BCAS3: variants seen among roughly 807,000 people sequenced by gnomAD.
BCAS3 encodes BCAS3 microtubule associated cell migration factor.
BCAS3 carries 53 observed loss-of-function variants against 116.1 expected under a neutral mutation model. The observed-to-expected ratio is 0.46, with a 90% CI of 0.37 to 0.57. The LOEUF (loss-of-function observed/expected upper bound fraction) is 0.57, where lower values mean the gene tolerates loss of function less well. Ranked by LOEUF, BCAS3 falls within the 20% of genes least tolerant of loss-of-function variation. The pLI, the probability that BCAS3 is intolerant of heterozygous loss-of-function variation, is 0.00. For missense variants in BCAS3, 917 were observed against 1,165.4 expected (o/e 0.79, Z 3.10); for synonymous variants, 391 against 408.2 (o/e 0.96, Z 0.51).
intron 22 of BCAS3, among the ~76,000 whole-genome samples, chr17:61,093,800 C>A (rs993834087): frequency 6.6e-6 from 1 of 152,186 alleles, no homozygotes; most frequent in East Asian, 1.9e-4. Context: ...ACCTTAATTA[C>A]TGTAGATGTT....
intron 22 of BCAS3, among the ~76,000 whole-genome samples, chr17:61,357,859 C>T (rs751952898): frequency 2.0e-4 from 30 of 151,784 alleles, no homozygotes; most frequent in Admixed American, 1.5e-3. Flanking sequence ...GAGGCCGAGA[C>T]GGGTGGATCA....
At chr17:61,153,527 A>G (rs1253957234) in intron 22 of BCAS3, among the ~76,000 whole-genome samples, 1 of 152,178 alleles carries the variant, frequency 6.6e-6, no homozygotes, top group African/African-American at 2.4e-5. Context: ...CCAAACCCCC[A>G]GTGTAAGGTA....
At position 61,028,458 on chromosome 17, in the gene BCAS3, A is replaced by T. The variant is rs376076339; in HGVS notation, c.1638-6208A>T. On this transcript the variant is annotated intron_variant, in intron 16 of 23. Coordinates refer to ENST00000407086, the MANE Select transcript of BCAS3 (RefSeq NM_017679.5). This position sits in a 1 kb window ranked among gnomAD's most constrained non-coding sequence, Gnocchi z 4.3. ...CAGTGATCAGTGAATTTTAAATGCC[A>T]CATTCAACATATGACAAAATTTCTT... 6.6e-6 allele frequency among the ~76,000 whole-genome samples: 1 copy of T among 151,930 alleles called. No individual in the cohort carries two copies. Among genetic ancestry groups the T allele is most frequent in the Non-Finnish European group, 1.5e-5 (1 of 67,810 alleles).
chr17:61,276,831 G>T lies in BCAS3; in HGVS notation c.2426-91496G>T, dbSNP rs889688144. On this transcript the variant is annotated intron_variant, in intron 22 of 23. Coordinates refer to ENST00000407086, the MANE Select transcript of BCAS3 (RefSeq NM_017679.5). This position sits in a 1 kb window ranked among gnomAD's most constrained non-coding sequence, Gnocchi z 4.2. ...CTTCTAAGCTACAGTAATCAAGACA[G>T]TGTGGTACTGGCATAAGGATAGACA... Among the ~76,000 whole-genome samples the T allele has an allele frequency of 3.3e-5, 5 of 152,206 alleles. No individual in the cohort carries two copies. Among genetic ancestry groups the T allele is most frequent in the Non-Finnish European group, 5.9e-5 (4 of 68,038 alleles).
At chr17:60,891,738 G>T (rs1041186020) in intron 10 of BCAS3, 2 of 455,850 alleles carry the variant, frequency 4.4e-6, no homozygotes, top group Admixed American at 2.4e-5. Flanking sequence ...TCAGCTTCTA[G>T]TGTATCCATC....
chr17:61,044,465 A>AATATATATATAT (rs1555683922), intron 19 of BCAS3, among the ~76,000 whole-genome samples: 10 of 120,108 alleles, frequency 8.3e-5, no homozygotes, highest in African/African-American at 4.5e-4. Context: ...AAAAAAAAAA[A>AATATATATATAT]ATATATATAT....
intron 14 of BCAS3, chr17:60,987,230 A>G (rs996459729): frequency 6.8e-6 from 1 of 147,170 alleles, no homozygotes; most frequent in South Asian, 2.1e-4. Context: ...TTCAGTTACT[A>G]TACCTCTGTA....
Position 61,258,248 on chromosome 17 carries a change from G to T in BCAS3, c.2426-110079G>T, listed in dbSNP as rs140832866. 6.6e-6 allele frequency among the ~76,000 whole-genome samples: 1 copy of T among 152,058 alleles called. No homozygotes were observed. The highest frequency in any genetic ancestry group is 1.5e-5 in the Non-Finnish European group (1 of 68,038). On this transcript the variant is annotated intron_variant, in intron 22 of 23. Coordinates refer to ENST00000407086, the MANE Select transcript of BCAS3 (RefSeq NM_017679.5). This position sits in a 1 kb window ranked among gnomAD's most constrained non-coding sequence, Gnocchi z 4.7. ...CCTCTTATGGGACTTACCATGTTTC[G>T]CCTGATGTTGTCTTTAAGTATGTAA...
intron 22 of BCAS3, among the ~76,000 whole-genome samples, chr17:61,150,158 G>A (rs960154950): frequency 1.3e-5 from 2 of 152,178 alleles, no homozygotes; most frequent in Admixed American, 6.5e-5. Flanking sequence ...CCTGTAATTG[G>A]CCAGGAGGTT....
rs149028340 is a variant in BCAS3, at chr17:61,166,984, C to T, written c.2425+82420C>T. ...CTGGTCTCCAACTCCTGGGCTCAAGCGATCCTCCCACCTTGGCCTTCCAAA... is the reference window on the plus strand; with the variant it reads ...CTGGTCTCCAACTCCTGGGCTCAAGTGATCCTCCCACCTTGGCCTTCCAAA... On this transcript the variant is annotated intron_variant, in intron 22 of 23. Coordinates refer to ENST00000407086, the MANE Select transcript of BCAS3 (RefSeq NM_017679.5). 5.8e-3 allele frequency among the ~76,000 whole-genome samples: 877 copies of T among 152,228 alleles called. 12 individuals carry two copies. The highest frequency in any genetic ancestry group is 0.019 in the African/African-American group (802 of 41,554).
chr17:60,924,961 T>G (rs2145161431), intron 13 of BCAS3, among the ~76,000 whole-genome samples: 1 of 152,190 alleles, frequency 6.6e-6, no homozygotes, highest in East Asian at 1.9e-4. Flanking sequence ...TACATTTTGT[T>G]ATATCTTTTT....
rs546019958 is a variant in BCAS3 at position 60,904,889 on chromosome 17, A to G, written c.822+2186A>G. 3.9e-5 allele frequency among the ~76,000 whole-genome samples: 6 copies of G among 152,320 alleles called. No individual in the cohort carries two copies. The East Asian group carries it at 1.2e-3, about 29-fold the overall frequency. ...CAGACCTAGAAAACTTCTCTAGAGA[A>G]TTCTTTTTAATATTTAAGAATAAAC... On this transcript the variant is annotated intron_variant, in intron 11 of 23. Coordinates refer to ENST00000407086, the MANE Select transcript of BCAS3 (RefSeq NM_017679.5).
chr17:60,870,064 T>C (rs989393194), intron 8 of BCAS3, among the ~76,000 whole-genome samples: 9 of 152,208 alleles, frequency 5.9e-5, no homozygotes, highest in Non-Finnish European at 1.0e-4. Flanking sequence ...GCTCAGTTGC[T>C]TAGGTACTTT....
At chr17:60,707,365 C>T (rs1028645571) in intron 4 of BCAS3, among the ~76,000 whole-genome samples, 11 of 152,236 alleles carry the variant, frequency 7.2e-5, no homozygotes, top group African/African-American at 2.2e-4. Flanking sequence ...TGGGCTCAAG[C>T]GGTATGCCCA....
At position 61,006,449 on chromosome 17, in the gene BCAS3, T is replaced by C. The variant is rs370333241; in HGVS notation, c.1487-9302T>C. On this transcript the variant is annotated intron_variant, in intron 15 of 23. Coordinates refer to ENST00000407086, the MANE Select transcript of BCAS3 (RefSeq NM_017679.5). Reference sequence around the variant, plus strand: ...GCAGTTTAAGTAATAAAGTCACATTTGTTGAAACAAGAAGATAGGATTCTA... The same window carrying C: ...GCAGTTTAAGTAATAAAGTCACATTCGTTGAAACAAGAAGATAGGATTCTA... 7.9e-5 allele frequency among the ~76,000 whole-genome samples: 12 copies of C among 152,246 alleles called. No homozygotes were observed. In the East Asian group the frequency reaches 2.3e-3, roughly 29 times the overall value.
chr17:61,290,354 T>C (rs1481800372), intron 22 of BCAS3, among the ~76,000 whole-genome samples: 1 of 152,214 alleles, frequency 6.6e-6, no homozygotes, highest in African/African-American at 2.4e-5. Context: ...TTAAAAATTA[T>C]ATAGATGAAA....
chr17:60,721,556 C>CAT (rs1192894962), intron 5 of BCAS3, among the ~76,000 whole-genome samples: 11 of 152,144 alleles, frequency 7.2e-5, no homozygotes, highest in Admixed American at 7.2e-4. Context: ...AGGCAGTAGA[C>CAT]ATTACTGTGA....
intron 5 of BCAS3, 55 bp from the exon 6 acceptor site, chr17:60,747,143 T>C (rs2042074202): frequency 8.2e-7 from 1 of 1,218,844 alleles, no homozygotes; most frequent in South Asian, 1.3e-5. Flanking sequence ...TTTTATATAA[T>C]ACTGTTGTGA....
At chr17:60,800,570 A>G (rs1176436488) in intron 6 of BCAS3, among the ~76,000 whole-genome samples, 6 of 152,136 alleles carry the variant, frequency 3.9e-5, no homozygotes, top group African/African-American at 1.4e-4. Context: ...ATGGTCTTTG[A>G]TAGAGCAAAA....
Sources: allele counts gnomAD v4.1 joint callset (sites outside exome capture counted in the v4.1 genomes callset), GRCh38; gene constraint gnomAD v4.1.1; non-coding constraint Gnocchi (gnomAD v3.1); transcripts MANE v1.5; gene names NCBI Gene and HGNC (gene_info 2026-07-23, HGNC 2026-07-21).